PIP4K2A: variants seen among roughly 807,000 people sequenced by gnomAD.
The protein encoded by PIP4K2A is phosphatidylinositol 5-phosphate 4-kinase type-2 alpha.
Under a neutral mutation model 42.9 loss-of-function variants are expected in PIP4K2A, and 14 were observed. That is an observed-to-expected ratio of 0.33 (90% CI 0.22 to 0.51). The LOEUF (loss-of-function observed/expected upper bound fraction) is 0.51. Ranked by LOEUF, PIP4K2A falls within the 20% of genes least tolerant of loss-of-function variation. The probability of loss-of-function intolerance (pLI) is 0.97; values close to 1 mark genes in which losing one functional copy is unlikely to be tolerated. For synonymous variants in PIP4K2A, 192 were observed against 192.2 expected (o/e 1.00, Z 0.01); for missense variants, 434 against 519.8 (o/e 0.83, Z 1.61).
intron 7 of PIP4K2A, among the ~76,000 whole-genome samples, chr10:22,545,613 T>G (rs1320677392): frequency 2.0e-5 from 3 of 152,170 alleles, no homozygotes; most frequent in Non-Finnish European, 4.4e-5. Context: ...CCAAAAACCA[T>G]CAGCATGATG....
intron 9 of PIP4K2A, among the ~76,000 whole-genome samples, chr10:22,538,867 G>T (rs1021911044): frequency 6.6e-5 from 10 of 152,234 alleles, no homozygotes; most frequent in Non-Finnish European, 1.5e-4. Flanking sequence ...CAATGTGACT[G>T]AAATATTTCT....
At position 22,582,254 on chromosome 10, in the gene PIP4K2A, C is replaced by T. The variant is rs1837297494; in HGVS notation, c.493-8797G>A. On this transcript the variant is annotated intron_variant, in intron 4 of 9. Transcript: ENST00000376573. ...GATAAATTAGAGTCATGGAATTAGG[C>T]TTTCAAAAACATAAAACGTAACAGC... Among the ~76,000 whole-genome samples, 4 of 151,896 alleles carry T rather than the reference C, an allele frequency of 2.6e-5. No individual in the cohort carries two copies. The South Asian group carries it at 8.3e-4, about 32-fold the overall frequency.
chr10:22,623,539 T>C (rs987465172), intron 1 of PIP4K2A, among the ~76,000 whole-genome samples: 3 of 151,934 alleles, frequency 2.0e-5, no homozygotes, highest in Admixed American at 1.3e-4. Context: ...CTCAGTCCAA[T>C]GTGAGCGTCA....
At chr10:22,606,926 G>A (rs7098460) in intron 3 of PIP4K2A, among the ~76,000 whole-genome samples, 29,353 of 152,126 alleles carry the variant, frequency 0.19, 4,794 homozygotes, top group African/African-American at 0.45. Context: ...GTCTAAACAC[G>A]AAATTTATCT....
intron 1 of PIP4K2A, among the ~76,000 whole-genome samples, chr10:22,618,774 G>A (rs1838245320): frequency 6.6e-6 from 1 of 152,144 alleles, no homozygotes; most frequent in African/African-American, 2.4e-5. Flanking sequence ...TAGGCTGCCT[G>A]GCTGACACAG....
At chr10:22,585,757 G>A (rs2130813641) in intron 4 of PIP4K2A, among the ~76,000 whole-genome samples, 1 of 152,072 alleles carries the variant, frequency 6.6e-6, no homozygotes, top group Non-Finnish European at 1.5e-5. Context: ...TACACCCCCA[G>A]CTAATTTTTT....
At chr10:22,586,352 C>T (rs532305747) in intron 4 of PIP4K2A, among the ~76,000 whole-genome samples, 6 of 152,278 alleles carry the variant, frequency 3.9e-5, no homozygotes, top group East Asian at 3.9e-4. Flanking sequence ...TAACTCCTCA[C>T]GGCTGAAGTC....
At chr10:22,670,085 A>G (rs1412742641) in intron 1 of PIP4K2A, among the ~76,000 whole-genome samples, 1 of 152,210 alleles carries the variant, frequency 6.6e-6, no homozygotes, top group African/African-American at 2.4e-5. Context: ...CTGACAACTA[A>G]AAAGTATGAC....
chr10:22,594,428 C>T (rs1048811408), intron 3 of PIP4K2A, among the ~76,000 whole-genome samples: 2 of 152,204 alleles, frequency 1.3e-5, no homozygotes, highest in Admixed American at 6.5e-5. Flanking sequence ...CAGGTTCTCA[C>T]TGTGTTGCCC....
chr10:22,622,599 G>T (rs1415372626), intron 1 of PIP4K2A, among the ~76,000 whole-genome samples: 1 of 152,158 alleles, frequency 6.6e-6, no homozygotes, highest in South Asian at 2.1e-4. Context: ...TAATAATTCC[G>T]CCAGTGGGCG....
intron 6 of PIP4K2A, among the ~76,000 whole-genome samples, chr10:22,558,219 G>GT (rs1254568273): frequency 6.6e-6 from 1 of 152,136 alleles, no homozygotes; most frequent in African/African-American, 2.4e-5. Context: ...TGATTTACTT[G>GT]TAATTCCAAG....
intron 1 of PIP4K2A, among the ~76,000 whole-genome samples, chr10:22,615,308 A>G (rs1412931140): frequency 3.3e-5 from 5 of 152,144 alleles, no homozygotes; most frequent in Non-Finnish European, 7.4e-5. Context: ...AGGTCTTGCT[A>G]TGTTGCCTGG....
chr10:22,673,499 T>G (rs1175965480), intron 1 of PIP4K2A, among the ~76,000 whole-genome samples: 1 of 152,066 alleles, frequency 6.6e-6, no homozygotes, highest in Admixed American at 6.5e-5. Context: ...CAAAGTAGCA[T>G]GAGACAACCA....
rs565123965 is a variant in PIP4K2A at position 22,639,831 on chromosome 10, CATA to C, written c.145-30117_145-30115del. Among the ~76,000 whole-genome samples the C allele has an allele frequency of 6.6e-3, 1,012 of 152,218 alleles. 7 individuals carry two copies. The highest frequency in any genetic ancestry group is 0.011 in the Non-Finnish European group (726 of 67,998). On this transcript the variant is annotated intron_variant, in intron 1 of 9. Coordinates refer to ENST00000376573, the MANE Select transcript of PIP4K2A (RefSeq NM_005028.5). ...ACAAAAGCAGGTGTAATTAAAGTCA[CATA>C]ATGTCTTCAGCCACGTAAATTCACA...
chr10:22,585,347 A>G (rs1015077405), intron 4 of PIP4K2A, among the ~76,000 whole-genome samples: 1 of 152,208 alleles, frequency 6.6e-6, no homozygotes, highest in Non-Finnish European at 1.5e-5. Flanking sequence ...AAACTTCTGG[A>G]TTCAACTAAA....
At chr10:22,663,249 G>A (rs1432565563) in intron 1 of PIP4K2A, among the ~76,000 whole-genome samples, 1 of 152,202 alleles carries the variant, frequency 6.6e-6, no homozygotes, top group Non-Finnish European at 1.5e-5. Flanking sequence ...AACATAGGAA[G>A]AGGTATCTGA....
rs532527376 is a variant in PIP4K2A at position 22,659,962 on chromosome 10, C to G, written c.145-50245G>C. Among the ~76,000 whole-genome samples the G allele has an allele frequency of 5.9e-5, 9 of 152,280 alleles. 1 individual carries two copies. The South Asian group carries it at 1.9e-3, about 32-fold the overall frequency. The stretch of plus-strand genomic sequence containing the variant: ...TTAATTTAGCTTAAACGTCATTTAT[C>G]ACTTGTCTTGCGAAGCAGAGCTCTG... On this transcript the variant is annotated intron_variant, in intron 1 of 9. Transcript: ENST00000376573.
At position 22,573,620 on chromosome 10, in the gene PIP4K2A, T is replaced by C. The variant is rs559576924; in HGVS notation, c.493-163A>G. Among the ~76,000 whole-genome samples, 15 of 152,190 alleles carry C rather than the reference T, an allele frequency of 9.9e-5. No homozygotes were observed. In the South Asian group the frequency reaches 1.2e-3, roughly 13 times the overall value. Reference sequence around the variant, plus strand: ...ACATTTGTACTGCTTACCAATCACATCTGTGTTCACCATCTCTACACAGAA... The same window carrying C: ...ACATTTGTACTGCTTACCAATCACACCTGTGTTCACCATCTCTACACAGAA... On this transcript the variant is annotated intron_variant, in intron 4 of 9. Transcript: ENST00000376573.
At chr10:22,563,337 T>G (rs992257766) in intron 6 of PIP4K2A, among the ~76,000 whole-genome samples, 1 of 152,252 alleles carries the variant, frequency 6.6e-6, no homozygotes, top group African/African-American at 2.4e-5. Flanking sequence ...AGACACGTGA[T>G]AAAGACTGCA....
Sources: allele counts gnomAD v4.1 joint callset (sites outside exome capture counted in the v4.1 genomes callset), GRCh38; gene constraint gnomAD v4.1.1; transcripts MANE v1.5; gene names NCBI Gene and HGNC (gene_info 2026-07-23, HGNC 2026-07-21).